The following PARM1 variants were observed in gnomAD, a reference collection of about 807,000 sequenced individuals.
PARM1 encodes prostate androgen-regulated mucin-like protein 1.
In PARM1, 14 loss-of-function variants were observed where a neutral mutation model predicts 24.6. The observed-to-expected ratio is 0.57, with a 90% CI of 0.38 to 0.89. The LOEUF (loss-of-function observed/expected upper bound fraction) is 0.89, where lower values mean the gene tolerates loss of function less well. Among genes scored for constraint, PARM1 ranks in the 40% least tolerant of loss-of-function variants. PARM1 has a pLI of 0.00. For synonymous variants in PARM1, 179 were observed against 156.6 expected, an observed-to-expected ratio of 1.14 and a Z score of -1.07; for missense variants, 362 against 380.4, an observed-to-expected ratio of 0.95 and a Z score of 0.40.
At chr4:74,961,089 A>G (rs1034592592) in intron 1 of PARM1, among the ~76,000 whole-genome samples, 3 of 152,104 alleles carry the variant, frequency 2.0e-5, no homozygotes, top group African/African-American at 7.2e-5. Flanking sequence ...CAGAAAGATT[A>G]ATAAAGAGAG....
chr4:75,025,880 C>G (rs1205538613), intron 2 of PARM1, among the ~76,000 whole-genome samples: 1 of 152,182 alleles, frequency 6.6e-6, no homozygotes, highest in East Asian at 1.9e-4. Context: ...CAGTTCGAAT[C>G]CCAATTCTGC....
intron 1 of PARM1, among the ~76,000 whole-genome samples, chr4:74,996,529 A>G (rs1722579561): frequency 6.6e-6 from 1 of 150,988 alleles, no homozygotes; most frequent in Admixed American, 6.6e-5. Context: ...AGATTGACCT[A>G]TTGAATTTGG....
intron 1 of PARM1, among the ~76,000 whole-genome samples, chr4:74,933,802 C>G (rs925560370): frequency 6.6e-6 from 1 of 152,118 alleles, no homozygotes; most frequent in African/African-American, 2.4e-5. Flanking sequence ...AGGTTCGCAT[C>G]TGGGAAGGCT....
intron 1 of PARM1, among the ~76,000 whole-genome samples, chr4:75,006,577 A>G (rs1047162985): frequency 7.9e-5 from 12 of 152,068 alleles, no homozygotes; most frequent in Admixed American, 2.0e-4. Context: ...AGTCTTTGCT[A>G]TTGTGAATAG....
chr4:74,970,518 GA>G (rs1444898328), intron 1 of PARM1, among the ~76,000 whole-genome samples: 1 of 152,232 alleles, frequency 6.6e-6, no homozygotes, highest in Non-Finnish European at 1.5e-5. Flanking sequence ...AGGTCTGTGA[GA>G]AAATAAAATT....
intron 3 of PARM1, among the ~76,000 whole-genome samples, chr4:75,038,749 A>G (rs558624006): frequency 1.3e-5 from 2 of 152,354 alleles, no homozygotes; most frequent in Middle Eastern, 3.4e-3. Flanking sequence ...TTGCAGAACT[A>G]TCTTTAATTA....
At chr4:74,947,264 T>C (rs1406417921) in intron 1 of PARM1, among the ~76,000 whole-genome samples, 2 of 152,300 alleles carry the variant, frequency 1.3e-5, no homozygotes, top group African/African-American at 4.8e-5. Flanking sequence ...CTGGGGAAGA[T>C]GTTAAATAAC....
intron 2 of PARM1, among the ~76,000 whole-genome samples, chr4:75,015,567 C>A (rs1722968915): frequency 6.6e-6 from 1 of 152,126 alleles, no homozygotes; most frequent in Non-Finnish European, 1.5e-5. Flanking sequence ...GAGACCTATC[C>A]TTTGAGATTT....
At chr4:74,943,467 G>T (rs1471488819) in intron 1 of PARM1, among the ~76,000 whole-genome samples, 1 of 151,774 alleles carries the variant, frequency 6.6e-6, no homozygotes, top group Non-Finnish European at 1.5e-5. Context: ...TTACTATCAG[G>T]TGCTTATGTC....
chr4:74,970,503 G>T (rs1040323385), intron 1 of PARM1: 1 of 152,240 alleles, frequency 6.6e-6, no homozygotes, highest in Non-Finnish European at 1.5e-5. Context: ...GCAGAGGGAA[G>T]GGCCAGGTCT....
At chr4:74,959,953 A>T (rs1282001020) in intron 1 of PARM1, among the ~76,000 whole-genome samples, 1 of 152,186 alleles carries the variant, frequency 6.6e-6, no homozygotes, top group African/African-American at 2.4e-5. Context: ...AATCCATTAG[A>T]ATGATTGTAA....
At chr4:75,011,392 A>C (rs1482048170) in intron 1 of PARM1, among the ~76,000 whole-genome samples, 1 of 152,076 alleles carries the variant, frequency 6.6e-6, no homozygotes, top group African/African-American at 2.4e-5. Context: ...GAAGGGTGAC[A>C]TCTTGGTTTT....
At chr4:74,973,439 A>G (rs1242492248) in intron 1 of PARM1, among the ~76,000 whole-genome samples, 1 of 152,066 alleles carries the variant, frequency 6.6e-6, no homozygotes, top group Non-Finnish European at 1.5e-5. Flanking sequence ...CTTGAAAACA[A>G]GAAACTCTCC....
chr4:75,024,037 C>T (rs539480813), intron 2 of PARM1, among the ~76,000 whole-genome samples: 2 of 152,086 alleles, frequency 1.3e-5, no homozygotes, highest in African/African-American at 2.4e-5. Context: ...TTTGGGAGGC[C>T]GAGACGGGCA....
chr4:74,954,009 A>G (rs1578026081), intron 1 of PARM1, among the ~76,000 whole-genome samples: 1 of 152,234 alleles, frequency 6.6e-6, no homozygotes, highest in African/African-American at 2.4e-5. Flanking sequence ...GACATGTACT[A>G]CAGCTTAAGA....
chr4:74,990,108 T>A (rs1258691571), intron 1 of PARM1, among the ~76,000 whole-genome samples: 3 of 152,158 alleles, frequency 2.0e-5, no homozygotes, highest in African/African-American at 7.2e-5. Context: ...CATAGATGAT[T>A]CCTGAGCTTC....
chr4:75,002,200 T>A (rs548491380), intron 1 of PARM1, among the ~76,000 whole-genome samples: 62 of 152,294 alleles, frequency 4.1e-4, no homozygotes, highest in Admixed American at 8.5e-4. Flanking sequence ...AAGAGCAGCC[T>A]CAGTCATTTG....
intron 2 of PARM1, among the ~76,000 whole-genome samples, chr4:75,022,127 A>T (rs1257468140): frequency 2.0e-5 from 3 of 152,170 alleles, no homozygotes; most frequent in Non-Finnish European, 4.4e-5. Flanking sequence ...GTCTATCTTC[A>T]ACTTTTTAAT....
intron 1 of PARM1, among the ~76,000 whole-genome samples, chr4:75,009,562 G>C (rs1318421086): frequency 6.6e-6 from 1 of 152,194 alleles, no homozygotes; most frequent in Non-Finnish European, 1.5e-5. Context: ...ATTAAAATGA[G>C]TGAAGCTGAT....
Sources: gnomAD v4.1 joint callset for allele counts (sites outside exome capture counted in the v4.1 genomes callset) on GRCh38, gnomAD v4.1.1 for gene constraint, MANE v1.5 for transcripts, NCBI Gene and HGNC (gene_info 2026-07-23, HGNC 2026-07-21) for gene names.